Variants in STARD6 observed in about 807,000 individuals in gnomAD.
STARD6 encodes the protein stAR-related lipid transfer protein 6.
Under a neutral mutation model 22.3 loss-of-function variants are expected in STARD6, and 21 were observed. The observed-to-expected ratio is 0.94, with a 90% CI of 0.67 to 1.35. The LOEUF (loss-of-function observed/expected upper bound fraction) is 1.35, where lower values mean the gene tolerates loss of function less well. STARD6 is among the 40% of genes most tolerant of loss of function. The pLI is 0.00. For missense variants in STARD6, 269 were observed against 266.9 expected, an observed-to-expected ratio of 1.01 and a Z score of -0.05; for synonymous variants, 80 against 88.1, an observed-to-expected ratio of 0.91 and a Z score of 0.52.
At chr18:54,342,081 A>G (rs2088974183) in intron 4 of STARD6, among the ~76,000 whole-genome samples, 2 of 152,254 alleles carry the variant, frequency 1.3e-5, no homozygotes, top group Non-Finnish European at 1.5e-5. Context: ...CTATACAAAT[A>G]AAAAGGGTTG....
chr18:54,325,716 T>C (rs565835738), intron 7 of STARD6, among the ~76,000 whole-genome samples: 17 of 152,176 alleles, frequency 1.1e-4, no homozygotes, highest in Non-Finnish European at 1.6e-4. Flanking sequence ...CCTGGCTAGA[T>C]TTTAAAATTT....
chr18:54,346,494 A>T (rs913532752), intron 4 of STARD6, among the ~76,000 whole-genome samples: 2 of 152,086 alleles, frequency 1.3e-5, no homozygotes, highest in Non-Finnish European at 2.9e-5. Flanking sequence ...CTCTAAAATG[A>T]TCTAGTAGTT....
intron 7 of STARD6, among the ~76,000 whole-genome samples, chr18:54,327,992 C>T (rs1484681328): frequency 6.6e-6 from 1 of 152,150 alleles, no homozygotes; most frequent in Non-Finnish European, 1.5e-5. Flanking sequence ...CCGTCCTGCT[C>T]TGTCCCACCC....
intron 4 of STARD6, among the ~76,000 whole-genome samples, chr18:54,339,688 T>C (rs1277742478): frequency 6.6e-6 from 1 of 152,120 alleles, no homozygotes; most frequent in East Asian, 1.9e-4. Flanking sequence ...AAACAGAGAA[T>C]TTATTGGTAG....
At chr18:54,351,899 G>GTTTTTTTT (rs60888927) in intron 4 of STARD6, among the ~76,000 whole-genome samples, 9 of 70,650 alleles carry the variant, frequency 1.3e-4, no homozygotes, top group African/African-American at 4.7e-4. Context: ...ATATTGGTCC[G>GTTTTTTTT]TTTTTTTTTT....
At chr18:54,333,811 A>G (rs1442510930) in intron 5 of STARD6, among the ~76,000 whole-genome samples, 1 of 152,186 alleles carries the variant, frequency 6.6e-6, no homozygotes, top group East Asian at 1.9e-4. Flanking sequence ...ATGTTTATTT[A>G]TTTATTTACT....
chr18:54,353,501 CAT>C (rs1365379757), intron 4 of STARD6, among the ~76,000 whole-genome samples: 3 of 152,148 alleles, frequency 2.0e-5, no homozygotes, highest in Admixed American at 2.0e-4. Flanking sequence ...TCTACAAAAA[CAT>C]ATAAAAATTA....
In STARD6 at chr18:54,329,434, C is replaced by A; in HGVS notation, c.392G>T (p.Ser131Ile). ...TGGAGGATATTCTGGAAAATCCACA[C>A]TTTTAGCTAAGAGATTTTAAAAAAT... ...EGNMNIISSK[S>I]VDFPEYPPSS... Residue 131 changes from serine (S) to isoleucine (I), a missense_variant, in exon 7 of 8, where the codon AGT becomes ATT. Coordinates refer to ENST00000307844, the MANE Select transcript of STARD6 (RefSeq NM_139171.2). The A allele has an allele frequency of 6.3e-7, 1 of 1,596,748 alleles. No homozygotes were observed. Among genetic ancestry groups the A allele is most frequent in the Non-Finnish European group, 8.5e-7 (1 of 1,174,086 alleles).
chr18:54,348,034 T>G (rs1455964442), intron 4 of STARD6, among the ~76,000 whole-genome samples: 1 of 152,088 alleles, frequency 6.6e-6, no homozygotes, highest in African/African-American at 2.4e-5. Flanking sequence ...TTTTCACTTG[T>G]CTCTCAATTC....
intron 5 of STARD6, among the ~76,000 whole-genome samples, chr18:54,334,088 C>A (rs1312529811): frequency 6.6e-6 from 1 of 152,138 alleles, no homozygotes; most frequent in Non-Finnish European, 1.5e-5. Context: ...CCCAAAGGAA[C>A]TTTATTTGTG....
intron 7 of STARD6, 66 bp from the exon 8 acceptor site, chr18:54,324,941 T>C: frequency 7.6e-7 from 1 of 1,312,858 alleles, no homozygotes; most frequent in Non-Finnish European, 1.0e-6. Flanking sequence ...ACTTTACAGG[T>C]TTTTGGAGAG....
rs944255959 is a variant in STARD6 at position 54,324,621 on chromosome 18, A to G, written c.*71T>C. ...TTAACAGTATTATTTATGTGCGTTG[A>G]CTTAGAAGTAAACAGCAATAACTAC... On this transcript the variant is annotated 3_prime_UTR_variant, in exon 8 of 8. Transcript: ENST00000307844. 38 of 1,452,108 alleles carry G rather than the reference A, an allele frequency of 2.6e-5. No individual in the cohort carries two copies. Among genetic ancestry groups the G allele is most frequent in the Non-Finnish European group, 3.4e-5 (36 of 1,046,580 alleles). The allele number at this position is 1,452,108 out of a possible 1,614,324, so 90.0% of individuals were successfully genotyped here.
rs34972454 is a variant in STARD6 at position 54,339,479 on chromosome 18, TAA to T, written c.141-2230_141-2229del. 4.7e-3 allele frequency among the ~76,000 whole-genome samples: 661 copies of T among 141,874 alleles called. 9 individuals are homozygous for T. Among genetic ancestry groups the T allele is most frequent in the African/African-American group, 0.016 (632 of 39,716 alleles). The allele number at this position is 141,874 out of a possible 152,430, so 93.1% of individuals were successfully genotyped here. A position where few individuals can be genotyped will look rare whatever the true frequency, so the allele number is the denominator to read the frequency against. ...ATAAAAATAAAGTCTTGAAAGCAGT[TAA>T]AAAAAAAAAAGGCATTACATAGAAG... On this transcript the variant is annotated intron_variant, in intron 4 of 7. Transcript: ENST00000307844.
rs865940479 is a variant in STARD6 at position 54,324,717 on chromosome 18, C to T, written c.638G>A (p.Gly213Glu). The T allele has an allele frequency of 2.5e-6, 4 of 1,613,236 alleles. No individual in the cohort carries two copies. In the African/African-American group the frequency reaches 4.0e-5, roughly 16 times the overall value. Reference protein sequence around the residue: ...IKAHRTPSRRGFHHNSHS With the variant: ...IKAHRTPSRREFHHNSHS The stretch of plus-strand genomic sequence containing the variant: ...TCATGAATGACTATTATGATGAAAT[C>T]CACGTCTTGATGGAGTTCTGTGTGC... Residue 213 changes from glycine to glutamate, a missense_variant, in exon 8 of 8, where the codon GGA becomes GAA. Physicochemically the swap from Gly to Glu is moderately conservative, Grantham distance 98. Transcript: ENST00000307844.
intron 4 of STARD6, among the ~76,000 whole-genome samples, chr18:54,346,790 G>A (rs1005293569): frequency 1.8e-4 from 27 of 152,216 alleles, no homozygotes; most frequent in African/African-American, 6.3e-4. Flanking sequence ...AAGAATTTGT[G>A]AAAGAAGCAA....
At chr18:54,327,124 T>C (rs753820541) in intron 7 of STARD6, among the ~76,000 whole-genome samples, 26 of 152,252 alleles carry the variant, frequency 1.7e-4, no homozygotes, top group Non-Finnish European at 3.5e-4. Flanking sequence ...AGTCAATATA[T>C]ACAAATTGTT....
intron 6 of STARD6, among the ~76,000 whole-genome samples, chr18:54,330,435 G>A (rs2088856947): frequency 6.6e-6 from 1 of 152,000 alleles, no homozygotes; most frequent in Non-Finnish European, 1.5e-5. Flanking sequence ...GTGGTAGTTA[G>A]CACTTATTTT....
chr18:54,346,365 T>G (rs1398460778), intron 4 of STARD6, among the ~76,000 whole-genome samples: 3 of 152,126 alleles, frequency 2.0e-5, no homozygotes, highest in Non-Finnish European at 2.9e-5. Context: ...GAGATACCAC[T>G]ACATACCCAA....
intron 7 of STARD6, among the ~76,000 whole-genome samples, chr18:54,327,845 G>T (rs1358302207): frequency 6.6e-6 from 1 of 152,022 alleles, no homozygotes; most frequent in Non-Finnish European, 1.5e-5. Flanking sequence ...GCTACACCGA[G>T]AACAGAGTAG....
Sources: gnomAD v4.1 joint callset for allele counts (sites outside exome capture counted in the v4.1 genomes callset) on GRCh38, gnomAD v4.1.1 for gene constraint, MANE v1.5 for transcripts, NCBI Gene and HGNC (gene_info 2026-07-23, HGNC 2026-07-21) for gene names.